Variants in CACNG3 observed in about 807,000 individuals in gnomAD.
CACNG3 encodes voltage-dependent calcium channel gamma-3 subunit.
CACNG3 carries 3 observed loss-of-function variants against 28.5 expected under a neutral mutation model. The ratio of observed to expected loss-of-function variants is 0.11; its 90% CI spans 0.05 to 0.27. The LOEUF is 0.27. Ranked by LOEUF, CACNG3 falls within the 10% of genes least tolerant of loss-of-function variation. The pLI is 1.00. For synonymous variants in CACNG3, 174 were observed against 162.2 expected (o/e 1.07, Z -0.55); for missense variants, 236 against 414.4 (o/e 0.57, Z 3.74).
At chr16:24,290,391 C>T (rs1438614565) in intron 1 of CACNG3, among the ~76,000 whole-genome samples, 1 of 152,154 alleles carries the variant, frequency 6.6e-6, no homozygotes, top group Non-Finnish European at 1.5e-5. Flanking sequence ...GTAAACTGAG[C>T]TTCCTGGCAG....
At chr16:24,349,753 T>A (rs1488688291) in intron 2 of CACNG3, among the ~76,000 whole-genome samples, 1 of 152,202 alleles carries the variant, frequency 6.6e-6, no homozygotes, top group Non-Finnish European at 1.5e-5. Flanking sequence ...CAGCAGAGTC[T>A]TTGTGACCTG....
chr16:24,349,017 T>C (rs1173863793), intron 2 of CACNG3, among the ~76,000 whole-genome samples: 1 of 152,182 alleles, frequency 6.6e-6, no homozygotes, highest in East Asian at 1.9e-4. Context: ...GCAGCAGAAT[T>C]GGGCTAAGGT....
intron 1 of CACNG3, among the ~76,000 whole-genome samples, chr16:24,325,857 T>C (rs1015337734): frequency 1.3e-5 from 2 of 152,214 alleles, no homozygotes; most frequent in African/African-American, 4.8e-5. Context: ...TCTCAGTTTG[T>C]GAGGACTCTC....
chr16:24,340,628 A>G (rs1899773148), intron 1 of CACNG3, among the ~76,000 whole-genome samples: 1 of 152,208 alleles, frequency 6.6e-6, no homozygotes, highest in Non-Finnish European at 1.5e-5. Context: ...GTACTTTTCC[A>G]TTGTCTGAAC....
chr16:24,359,236 T>G (rs1215714684), intron 3 of CACNG3, among the ~76,000 whole-genome samples: 1 of 152,082 alleles, frequency 6.6e-6, no homozygotes, highest in East Asian at 1.9e-4. Context: ...TGACTCCCAT[T>G]TAACTTAAAA....
intron 3 of CACNG3, among the ~76,000 whole-genome samples, chr16:24,359,467 T>C (rs1900077768): frequency 6.6e-6 from 1 of 152,112 alleles, no homozygotes; most frequent in Non-Finnish European, 1.5e-5. Context: ...CTGCTGAATG[T>C]CTGTGCTGGG....
At chr16:24,305,190 A>C (rs1031347770) in intron 1 of CACNG3, among the ~76,000 whole-genome samples, 5 of 152,044 alleles carry the variant, frequency 3.3e-5, no homozygotes, top group African/African-American at 1.2e-4. Context: ...TGATAATAGG[A>C]GATGCTATGC....
chr16:24,292,224 A>C (rs1386830865), intron 1 of CACNG3, among the ~76,000 whole-genome samples: 1 of 152,178 alleles, frequency 6.6e-6, no homozygotes, highest in Non-Finnish European at 1.5e-5. Flanking sequence ...TCGATTTTTC[A>C]ATCGTTCCTC....
chr16:24,294,266 G>A (rs1328731858), intron 1 of CACNG3, among the ~76,000 whole-genome samples: 1 of 152,176 alleles, frequency 6.6e-6, no homozygotes, highest in Non-Finnish European at 1.5e-5. Flanking sequence ...GTTTCCCCTT[G>A]GCTTGGGAGT....
At chr16:24,290,571 T>C (rs1265837499) in intron 1 of CACNG3, among the ~76,000 whole-genome samples, 1 of 152,200 alleles carries the variant, frequency 6.6e-6, no homozygotes, top group Non-Finnish European at 1.5e-5. Context: ...TGTCTTCACC[T>C]CTAATGGGGA....
At chr16:24,348,951 A>ATG (rs1417862063) in intron 2 of CACNG3, among the ~76,000 whole-genome samples, 1 of 152,196 alleles carries the variant, frequency 6.6e-6, no homozygotes. Context: ...GTCTGGGAAG[A>ATG]TGTCCCTTCC....
At chr16:24,322,333 G>A (rs1040623379) in intron 1 of CACNG3, among the ~76,000 whole-genome samples, 6 of 152,090 alleles carry the variant, frequency 3.9e-5, no homozygotes, top group Admixed American at 1.3e-4. Flanking sequence ...GGTCATTAGC[G>A]CCTCAAAGGA....
At chr16:24,343,495 T>TCC (rs1448086684) in intron 1 of CACNG3, among the ~76,000 whole-genome samples, 1 of 152,134 alleles carries the variant, frequency 6.6e-6, no homozygotes, top group Non-Finnish European at 1.5e-5. Context: ...CCAACACCCT[T>TCC]CCCCTGCCCA....
In CACNG3 at chr16:24,262,143, C is replaced by T. The variant is rs564448644; in HGVS notation, c.211+5178C>T. Among the ~76,000 whole-genome samples the T allele has an allele frequency of 1.2e-4, 18 of 152,250 alleles. 1 individual carries two copies. The highest frequency in any genetic ancestry group is 5.2e-4 in the Admixed American group (8 of 15,286). Reference sequence around the variant, plus strand: ...AGAAACAGTACCCAGTCATCACTTCCGCACCTGCAGTCCTAGATTTAATGC... The same window carrying T: ...AGAAACAGTACCCAGTCATCACTTCTGCACCTGCAGTCCTAGATTTAATGC... On this transcript the variant is annotated intron_variant, in intron 1 of 3. Coordinates refer to ENST00000005284, the MANE Select transcript of CACNG3 (RefSeq NM_006539.4).
At chr16:24,337,784 C>T (rs1309333138) in intron 1 of CACNG3, among the ~76,000 whole-genome samples, 1 of 151,940 alleles carries the variant, frequency 6.6e-6, no homozygotes, top group Non-Finnish European at 1.5e-5. Context: ...TTCAGTTACC[C>T]CAAATCTGGT....
At chr16:24,301,756 TCG>T (rs1202716944) in intron 1 of CACNG3, among the ~76,000 whole-genome samples, 1 of 152,194 alleles carries the variant, frequency 6.6e-6, no homozygotes, top group Non-Finnish European at 1.5e-5. Context: ...TCCTTCATCT[TCG>T]CATGCAGCAT....
At chr16:24,354,327 G>T (rs1237159880) in intron 2 of CACNG3, among the ~76,000 whole-genome samples, 1 of 152,124 alleles carries the variant, frequency 6.6e-6, no homozygotes, top group Admixed American at 6.5e-5. Flanking sequence ...CTCCCAGTGA[G>T]CGCAAACCCT....
In CACNG3 at chr16:24,304,135, C is replaced by T. The variant is rs572077137; in HGVS notation, c.212-42599C>T. Among the ~76,000 whole-genome samples, 15 of 152,186 alleles carry T rather than the reference C, an allele frequency of 9.9e-5. No homozygotes were observed. The South Asian group carries it at 2.3e-3, about 23-fold the overall frequency. ...ACTGGATTAATAGCAAACTAAAACA[C>T]GTGTTTTGGGCAAGAATATGTGGCG... On this transcript the variant is annotated intron_variant, in intron 1 of 3. Coordinates refer to ENST00000005284, the MANE Select transcript of CACNG3 (RefSeq NM_006539.4).
intron 1 of CACNG3, among the ~76,000 whole-genome samples, chr16:24,299,868 C>A (rs1331552635): frequency 6.6e-6 from 1 of 152,040 alleles, no homozygotes; most frequent in Non-Finnish European, 1.5e-5. Context: ...CAAGTGTGCC[C>A]TGAACCTATT....
Sources: allele counts gnomAD v4.1 joint callset (sites outside exome capture counted in the v4.1 genomes callset), GRCh38; gene constraint gnomAD v4.1.1; transcripts MANE v1.5; gene names NCBI Gene and HGNC (gene_info 2026-07-23, HGNC 2026-07-21).